KIAA1217: variants seen among roughly 807,000 people sequenced by gnomAD.
KIAA1217 encodes KIAA1217.
In KIAA1217, 88 loss-of-function variants were observed where a neutral mutation model predicts 163.9. The observed-to-expected ratio is 0.54, with a 90% confidence interval of 0.45 to 0.64. The LOEUF is 0.64. Ranked by LOEUF, KIAA1217 falls within the 30% of genes least tolerant of loss-of-function variation. The pLI is 0.00. For synonymous variants in KIAA1217, 903 were observed against 923.1 expected (o/e 0.98, Z 0.39); for missense variants, 2,372 against 2,475.0 (o/e 0.96, Z 0.88).
At chr10:24,248,565 G>C (rs11013989) in intron 2 of KIAA1217, among the ~76,000 whole-genome samples, 18,406 of 151,198 alleles carry the variant, frequency 0.12, 1,942 homozygotes, top group African/African-American at 0.25. Flanking sequence ...CAGCTACTAG[G>C]GGGGCTGAGA....
At chr10:24,474,207 T>C in intron 6 of KIAA1217, 147 bp downstream of exon 6, 4 of 641,704 alleles carry the variant, frequency 6.2e-6, no homozygotes, top group Non-Finnish European at 2.7e-6. Flanking sequence ...CACAGAGTGG[T>C]GTCAAAGCCA....
At chr10:24,062,966 C>T (rs560741674) in intron 2 of KIAA1217, among the ~76,000 whole-genome samples, 21 of 151,722 alleles carry the variant, frequency 1.4e-4, no homozygotes, top group South Asian at 4.2e-4. Context: ...TCATATCCTT[C>T]GCCCACTTTT....
At chr10:24,509,740 G>T (rs377286943) in intron 9 of KIAA1217, among the ~76,000 whole-genome samples, 3 of 152,064 alleles carry the variant, frequency 2.0e-5, no homozygotes, top group Non-Finnish European at 4.4e-5. Context: ...TTTGTATGTT[G>T]TACATATTAT....
chr10:24,068,557 GA>G (rs1208587149), intron 2 of KIAA1217, among the ~76,000 whole-genome samples: 3 of 152,088 alleles, frequency 2.0e-5, no homozygotes, highest in African/African-American at 4.8e-5. Context: ...CTATAAAGTA[GA>G]AAAAACTACC....
At chr10:24,517,121 T>G (rs925168730) in intron 10 of KIAA1217, among the ~76,000 whole-genome samples, 10 of 151,368 alleles carry the variant, frequency 6.6e-5, no homozygotes, top group Non-Finnish European at 1.3e-4. Context: ...GGGTCAAGGC[T>G]GCACGATCAC....
rs188311093 is a variant in KIAA1217, at chr10:23,823,588, C to T, written c.-321+128354C>T. Among the ~76,000 whole-genome samples the T allele has an allele frequency of 1.7e-3, 265 of 152,264 alleles. 1 individual carries two copies. Among genetic ancestry groups the T allele is most frequent in the Non-Finnish European group, 2.9e-3 (197 of 68,018 alleles). ...AAGTCCCTCTTGCCATGTAATAAAA[C>T]ATATTCATAGGTTCCAGGGATTAGG... On this transcript the variant is annotated intron_variant, in intron 1 of 18. Transcript: ENST00000376462.
chr10:23,840,999 C>A (rs1041755952), intron 1 of KIAA1217, among the ~76,000 whole-genome samples: 1 of 152,186 alleles, frequency 6.6e-6, no homozygotes, highest in African/African-American at 2.4e-5. Context: ...TTTTGCTTAA[C>A]CTTCCTGAAT....
intron 2 of KIAA1217, among the ~76,000 whole-genome samples, chr10:24,074,694 C>T (rs1213545413): frequency 8.7e-5 from 11 of 126,588 alleles, no homozygotes; most frequent in African/African-American, 2.3e-4. Flanking sequence ...TCTTCCTCTT[C>T]TTCTTCTTCT....
chr10:23,748,943 C>G (rs1839576676), intron 1 of KIAA1217, among the ~76,000 whole-genome samples: 1 of 152,166 alleles, frequency 6.6e-6, no homozygotes, highest in African/African-American at 2.4e-5. Context: ...TCTTGACTTC[C>G]TCAATACTAG....
chr10:24,504,094 C>T (rs928254091), intron 9 of KIAA1217, among the ~76,000 whole-genome samples: 4 of 152,162 alleles, frequency 2.6e-5, no homozygotes, highest in Admixed American at 6.5e-5. Flanking sequence ...GTCCTCTGGC[C>T]GGCTGGGAGG....
chr10:24,399,331 C>T (rs904171984), intron 3 of KIAA1217, among the ~76,000 whole-genome samples: 17 of 152,108 alleles, frequency 1.1e-4, no homozygotes, highest in Non-Finnish European at 1.9e-4. Context: ...TCATTTGTGA[C>T]GTACTCACTT....
chr10:24,035,700 T>G (rs1301639019), intron 2 of KIAA1217, among the ~76,000 whole-genome samples: 2 of 152,222 alleles, frequency 1.3e-5, no homozygotes, highest in African/African-American at 2.4e-5. Context: ...ATGATCTCTA[T>G]TTCCATGTTC....
At chr10:23,922,660 T>C (rs1046616123) in intron 1 of KIAA1217, among the ~76,000 whole-genome samples, 2 of 152,188 alleles carry the variant, frequency 1.3e-5, no homozygotes, top group Admixed American at 1.3e-4. Context: ...TCCACACATT[T>C]GGTGTCAGAA....
chr10:24,440,335 A>G (rs143623043), intron 5 of KIAA1217, among the ~76,000 whole-genome samples: 1 of 152,344 alleles, frequency 6.6e-6, no homozygotes, highest in Non-Finnish European at 1.5e-5. Context: ...TCTTGGAGAC[A>G]TTCATCAATG....
Position 24,545,020 on chromosome 10 carries a change from C to G in KIAA1217, c.5251C>G (p.Pro1751Ala). 1.2e-6 allele frequency: 2 copies of G among 1,614,154 alleles called. No individual in the cohort carries two copies. The highest frequency in any genetic ancestry group is 8.5e-7 in the Non-Finnish European group (1 of 1,180,024). Residue 1751 changes from proline to alanine, a missense_variant, in exon 20 of 21, where the codon CCC (proline) becomes GCC (alanine). Pro to Ala is a conservative substitution (Grantham distance 27, BLOSUM62 -1). Coordinates refer to ENST00000376454, the MANE Select transcript of KIAA1217 (RefSeq NM_019590.5). ...GAPQTSRMPV[P>A]MSAKNRPGTL... ...CCCACAGACGAGCAGGATGCCTGTCCCCATGAGTGCCAAGAACAGACCCGG... is the reference window on the plus strand; with the variant it reads ...CCCACAGACGAGCAGGATGCCTGTCGCCATGAGTGCCAAGAACAGACCCGG...
In KIAA1217 at chr10:24,307,252, G is replaced by A. The variant is rs530476773; in HGVS notation, c.355-73617G>A. Reference sequence around the variant, plus strand: ...TGATTTCTCCTTTTTTCTTAGCTCCGGGTTGAGCTCCTTCTCAAGAGCTCT... The same window carrying A: ...TGATTTCTCCTTTTTTCTTAGCTCCAGGTTGAGCTCCTTCTCAAGAGCTCT... On this transcript the variant is annotated intron_variant, in intron 2 of 20. Transcript: ENST00000376454. 5.3e-4 allele frequency among the ~76,000 whole-genome samples: 81 copies of A among 152,154 alleles called. 1 individual carries two copies. The highest frequency in any genetic ancestry group is 1.5e-3 in the African/African-American group (62 of 41,544).
chr10:23,733,987 G>A (rs1302531042), intron 1 of KIAA1217, among the ~76,000 whole-genome samples: 4 of 151,894 alleles, frequency 2.6e-5, no homozygotes, highest in Admixed American at 2.6e-4. Context: ...TCATGATAAG[G>A]AAAAACACAT....
intron 2 of KIAA1217, among the ~76,000 whole-genome samples, chr10:24,235,874 A>G (rs1333728044): frequency 6.6e-6 from 1 of 152,184 alleles, no homozygotes; most frequent in East Asian, 1.9e-4. Flanking sequence ...AAATCCTTTC[A>G]GCATGGCTTC....
intron 1 of KIAA1217, among the ~76,000 whole-genome samples, chr10:23,825,211 C>T (rs1837843195): frequency 6.6e-6 from 1 of 152,170 alleles, no homozygotes; most frequent in African/African-American, 2.4e-5. Context: ...TTTTCTTTCT[C>T]CACTTGTAAT....
Sources: allele counts gnomAD v4.1 joint callset (sites outside exome capture counted in the v4.1 genomes callset), GRCh38; gene constraint gnomAD v4.1.1; transcripts MANE v1.5; gene names NCBI Gene and HGNC (gene_info 2026-07-23, HGNC 2026-07-21).